The following COG4 variants were observed in gnomAD, a reference collection of about 807,000 sequenced individuals.
COG4 encodes the protein conserved oligomeric Golgi complex subunit 4.
A neutral mutation model predicts 95.1 loss-of-function variants in COG4; 65 were observed. The observed-to-expected ratio is 0.68, with a 90% CI of 0.56 to 0.84. The LOEUF is 0.84. Ranked by LOEUF, COG4 falls within the 40% of genes least tolerant of loss-of-function variation. The probability of loss-of-function intolerance (pLI) is 0.00; values close to 1 mark genes in which losing one functional copy is unlikely to be tolerated. For missense variants in COG4, 1,045 were observed against 989.1 expected (o/e 1.06, Z -0.76); for synonymous variants, 421 against 374.8 (o/e 1.12, Z -1.42).
chr16:70,482,050 C>G (rs750175244), intron 16 of COG4, 42 bp downstream of exon 16: 6 of 1,535,346 alleles, frequency 3.9e-6, no homozygotes, highest in South Asian at 3.4e-5. Flanking sequence ...TTTGGGCTGA[C>G]GTGGGTAATT....
At chr16:70,482,260 T>TA in intron 15 of COG4, 85 bp from the exon 16 acceptor site, 1 of 896,946 alleles carries the variant, frequency 1.1e-6, no homozygotes. Flanking sequence ...TCTAAGAAAA[T>TA]AATGTAAAAC....
At position 70,481,835 on chromosome 16, in the gene COG4, G is replaced by A; in HGVS notation, c.2035C>T (p.Leu679=). Residue 679 remains leucine, a synonymous_variant, in exon 17 of 19, where the codon CTA becomes TTA. Transcript: ENST00000323786. ...ACAAGGCTAGTCATGAGGCCGGTTA[G>A]GCTGTCGTAGATGACCGGGGACAGG... ...ASLSPVIYDS[L]TGLMTSLVAV... is the part of the protein sequence containing the mutation. 1 of 1,614,008 alleles carries A rather than the reference G, an allele frequency of 6.2e-7. No homozygotes were observed. The highest frequency in any genetic ancestry group is 8.5e-7 in the Non-Finnish European group (1 of 1,179,996).
intron 3 of COG4, chr16:70,516,095 T>G: frequency 2.2e-6 from 1 of 453,640 alleles, no homozygotes; most frequent in Non-Finnish European, 4.4e-6. Flanking sequence ...GTCTATGAGG[T>G]GATCATGTGT....
intron 3 of COG4, chr16:70,516,049 A>G (rs1227470676): frequency 2.2e-6 from 1 of 456,008 alleles, no homozygotes; most frequent in Admixed American, 2.3e-5. Context: ...TTCTACCACG[A>G]AAGGATATTG....
At chr16:70,506,593 C>CAAAAAAAAAAAAAAA (rs1237710539) in intron 8 of COG4, among the ~76,000 whole-genome samples, 8 of 14,696 alleles carry the variant, frequency 5.4e-4, no homozygotes, top group South Asian at 5.1e-3. Flanking sequence ...GAGACTGCCT[C>CAAAAAAAAAAAAAAA]AAAAAAAAAA....
At chr16:70,522,504 AT>A (rs956712291) in intron 1 of COG4, among the ~76,000 whole-genome samples, 2 of 152,228 alleles carry the variant, frequency 1.3e-5, no homozygotes, top group African/African-American at 2.4e-5. Flanking sequence ...TGAAAAACGT[AT>A]CAGAAACTGC....
At chr16:70,522,636 C>T (rs150290694) in intron 1 of COG4, among the ~76,000 whole-genome samples, 127 of 152,310 alleles carry the variant, frequency 8.3e-4, no homozygotes, top group African/African-American at 3.0e-3. Flanking sequence ...AAACAGCTGA[C>T]AAGCTTAGAG....
chr16:70,482,126 A>G lies in COG4; in HGVS notation c.1970T>C (p.Ile657Thr). 1 of 1,614,024 alleles carries G rather than the reference A, an allele frequency of 6.2e-7. No homozygotes were observed. Among genetic ancestry groups the G allele is most frequent in the Non-Finnish European group, 8.5e-7 (1 of 1,179,964 alleles). ...TGCCATTTGCTGCTCCAGGTTAAGG[A>G]TGAACTGTTGTACCCAAGGGTCGTT... ...EANDPWVQQF[I>T]LNLEQQMAEF... Residue 657 changes from isoleucine (I) to threonine (T), a missense_variant, in exon 16 of 19, where the codon ATC (isoleucine) becomes ACC (threonine). Coordinates refer to ENST00000323786, the MANE Select transcript of COG4 (RefSeq NM_015386.3).
intron 14 of COG4, 128 bp downstream of exon 14, chr16:70,483,725 C>A (rs964251690): frequency 7.5e-6 from 6 of 798,810 alleles, no homozygotes; most frequent in Admixed American, 1.7e-5. Flanking sequence ...CAACTCCAGG[C>A]TCCAGGGCTT....
intron 9 of COG4, among the ~76,000 whole-genome samples, chr16:70,500,448 C>A (rs980116013): frequency 2.0e-5 from 3 of 149,038 alleles, no homozygotes; most frequent in Admixed American, 2.0e-4. Flanking sequence ...GGCCCTATGC[C>A]CCCCAGGGTT....
In COG4 at chr16:70,497,785, G is replaced by C; in HGVS notation, c.1314+152C>G. On this transcript the variant is annotated intron_variant, in intron 10 of 18. Coordinates refer to ENST00000323786, the MANE Select transcript of COG4 (RefSeq NM_015386.3). Reference sequence around the variant, plus strand: ...CAAAGAACACAACGACTCCAAAGATGCTCTCTAAACATACAAAGTGGTACC... The same window carrying C: ...CAAAGAACACAACGACTCCAAAGATCCTCTCTAAACATACAAAGTGGTACC... 10 of 753,642 alleles carry C rather than the reference G, an allele frequency of 1.3e-5. No individual in the cohort carries two copies. In the South Asian group the frequency reaches 1.4e-4, roughly 10 times the overall value. The allele number at this position is 753,642 out of a possible 1,614,324, so 46.7% of individuals were successfully genotyped here. A position where few individuals can be genotyped will look rare whatever the true frequency, so the allele number is the denominator to read the frequency against.
At chr16:70,519,586 G>A in intron 2 of COG4, 63 bp downstream of exon 2, 1 of 1,228,690 alleles carries the variant, frequency 8.1e-7, no homozygotes, top group Non-Finnish European at 1.2e-6. Flanking sequence ...TTAAAAAATG[G>A]TCACTTGTCC....
intron 8 of COG4, among the ~76,000 whole-genome samples, chr16:70,506,593 CA>C (rs1237710539): frequency 6.8e-4 from 10 of 14,688 alleles, no homozygotes; most frequent in Non-Finnish European, 1.2e-3. Context: ...GAGACTGCCT[CA>C]AAAAAAAAAA....
chr16:70,498,984 G>A (rs972301200), intron 9 of COG4, among the ~76,000 whole-genome samples: 1 of 152,274 alleles, frequency 6.6e-6, no homozygotes, highest in African/African-American at 2.4e-5. Context: ...GGAGGCCAAG[G>A]CGCGAGGATC....
chr16:70,502,596 C>A (rs913973639), intron 8 of COG4, among the ~76,000 whole-genome samples: 1 of 145,142 alleles, frequency 6.9e-6, no homozygotes, highest in Non-Finnish European at 1.5e-5. Context: ...AGTGAAACTC[C>A]GTCTTAAAAA....
At position 70,519,419 on chromosome 16, in the gene COG4, G is replaced by A. The variant is rs1309378151; in HGVS notation, c.254+230C>T. Among the ~76,000 whole-genome samples the A allele has an allele frequency of 5.9e-5, 9 of 151,346 alleles. 4 individuals carry two copies. The highest frequency in any genetic ancestry group is 3.9e-4 in the East Asian group (2 of 5,156). On this transcript the variant is annotated intron_variant, in intron 2 of 18. Coordinates refer to ENST00000323786, the MANE Select transcript of COG4 (RefSeq NM_015386.3). ...TGGGATTACAGGCGTGAGCCACCGC[G>A]CCCGGCCAGGATTTGCATTTCTAAC...
rs147125885 is a variant in COG4 at position 70,517,413 on chromosome 16, C to A, written c.369+213G>T. ...GACCAGCCCGGGGAACATGGCAAAA[C>A]CCCATCTCTACAAAAAATACAAAAA... On this transcript the variant is annotated intron_variant, in intron 3 of 18. Transcript: ENST00000323786. 0.035 allele frequency among the ~76,000 whole-genome samples: 5,336 copies of A among 151,384 alleles called. 317 individuals carry two copies. The highest frequency in any genetic ancestry group is 0.12 in the African/African-American group (5,024 of 41,240).
intron 13 of COG4, among the ~76,000 whole-genome samples, chr16:70,487,649 G>A (rs191464608): frequency 6.6e-6 from 1 of 152,344 alleles, no homozygotes; most frequent in African/African-American, 2.4e-5. Context: ...ACTATGTTAT[G>A]TTGTACAAGT....
At chr16:70,487,275 C>CA (rs2049156583) in intron 13 of COG4, among the ~76,000 whole-genome samples, 19 of 137,874 alleles carry the variant, frequency 1.4e-4, no homozygotes, top group African/African-American at 5.3e-4. Context: ...GAATCGGTCT[C>CA]AAAAAATAAA....
Sources: gnomAD v4.1 joint callset for allele counts (sites outside exome capture counted in the v4.1 genomes callset) on GRCh38, gnomAD v4.1.1 for gene constraint, MANE v1.5 for transcripts, NCBI Gene and HGNC (gene_info 2026-07-23, HGNC 2026-07-21) for gene names.